Variants in CABIN1 observed in about 807,000 individuals in gnomAD.
The protein encoded by CABIN1 is calcineurin-binding protein cabin-1.
In CABIN1, 133 loss-of-function variants were observed where a neutral mutation model predicts 227.7. That is an observed-to-expected ratio of 0.58 (90% CI 0.51 to 0.67). The LOEUF (loss-of-function observed/expected upper bound fraction) is 0.67, where lower values mean the gene tolerates loss of function less well. Among genes scored for constraint, CABIN1 ranks in the 30% least tolerant of loss-of-function variants. CABIN1 has a pLI of 0.00. For missense variants in CABIN1, 2,408 were observed against 2,852.5 expected (o/e 0.84, Z 3.55); for synonymous variants, 1,086 against 1,155.1 (o/e 0.94, Z 1.21).
intron 11 of CABIN1, among the ~76,000 whole-genome samples, chr22:24,059,691 T>G (rs1164838487): frequency 1.3e-5 from 2 of 152,226 alleles, no homozygotes; most frequent in Non-Finnish European, 2.9e-5. Context: ...AGGTCTGCCC[T>G]TTTGATGTCC....
intron 1 of CABIN1, among the ~76,000 whole-genome samples, chr22:24,020,954 A>G (rs1406837365): frequency 1.3e-5 from 2 of 151,848 alleles, no homozygotes; most frequent in East Asian, 3.9e-4. Context: ...TGTTGTTTAG[A>G]TCAATCATCT....
intron 19 of CABIN1, among the ~76,000 whole-genome samples, chr22:24,078,170 C>A (rs1378984136): frequency 1.3e-5 from 2 of 152,108 alleles, no homozygotes; most frequent in Non-Finnish European, 2.9e-5. Flanking sequence ...TGCTGGGGAC[C>A]CCCACCATTT....
At chr22:24,051,174 C>A (rs2038304635) in intron 8 of CABIN1, among the ~76,000 whole-genome samples, 200 bp downstream of exon 8, 1 of 152,186 alleles carries the variant, frequency 6.6e-6, no homozygotes, top group African/African-American at 2.4e-5. Flanking sequence ...CTCTCAAGTA[C>A]CTCCAGTCTC....
intron 27 of CABIN1, among the ~76,000 whole-genome samples, chr22:24,114,668 C>T (rs2042990233): frequency 6.6e-6 from 1 of 152,202 alleles, no homozygotes; most frequent in South Asian, 2.1e-4. Flanking sequence ...GATAAACTGC[C>T]TCCCTGAGGG....
At chr22:24,105,142 C>T (rs1490046612) in intron 26 of CABIN1, among the ~76,000 whole-genome samples, 2 of 152,206 alleles carry the variant, frequency 1.3e-5, no homozygotes, top group Non-Finnish European at 2.9e-5. Flanking sequence ...TCTTTTCTCA[C>T]ACTGAGTGGG....
rs77920906 is a variant in CABIN1, at chr22:24,098,126, A to G, written c.4051A>G (p.Thr1351Ala). 6 of 1,612,688 alleles carry G rather than the reference A, an allele frequency of 3.7e-6. No individual in the cohort carries two copies. Among genetic ancestry groups the G allele is most frequent in the African/African-American group, 2.7e-5 (2 of 74,802 alleles). Residue 1351 changes from threonine to alanine, a missense_variant, in exon 26 of 37, where the codon ACA becomes GCA. Coordinates refer to ENST00000263119, the MANE Select transcript of CABIN1 (RefSeq NM_012295.4). ...CCCAGGTCTGACATCCCCACCTTAC[A>G]CAGCCACTCCGATTGACCACGATTA... Reference protein sequence around the residue: ...SGPGLTSPPYTATPIDHDYVK... With the variant: ...SGPGLTSPPYAATPIDHDYVK...
intron 19 of CABIN1, among the ~76,000 whole-genome samples, chr22:24,079,374 T>C (rs2040658231): frequency 6.6e-6 from 1 of 152,046 alleles, no homozygotes; most frequent in African/African-American, 2.4e-5. Context: ...CACCAAGAGG[T>C]TGTTTTATGT....
At chr22:24,063,443 C>T (rs141385493) in intron 14 of CABIN1, among the ~76,000 whole-genome samples, 15 of 152,306 alleles carry the variant, frequency 9.8e-5, no homozygotes, top group East Asian at 7.7e-4. Flanking sequence ...TCAAGATTGC[C>T]TTGGCATCTT....
At chr22:24,145,162 C>A (rs1312978170) in intron 29 of CABIN1, among the ~76,000 whole-genome samples, 2 of 152,116 alleles carry the variant, frequency 1.3e-5, no homozygotes, top group Non-Finnish European at 1.5e-5. Flanking sequence ...CACCACTGGA[C>A]CCTGTTTTCC....
At chr22:24,112,584 G>A (rs2042868934) in intron 26 of CABIN1, among the ~76,000 whole-genome samples, 1 of 152,098 alleles carries the variant, frequency 6.6e-6, no homozygotes, top group Admixed American at 6.5e-5. Flanking sequence ...GCCAGCCTAG[G>A]GTTGGGGACA....
chr22:24,124,214 A>G (rs959798465), intron 28 of CABIN1, among the ~76,000 whole-genome samples: 3 of 152,222 alleles, frequency 2.0e-5, no homozygotes, highest in African/African-American at 7.2e-5. Flanking sequence ...TATTGTGTTA[A>G]TGAGGTGAGG....
intron 33 of CABIN1, among the ~76,000 whole-genome samples, chr22:24,169,491 G>C (rs1266634842): frequency 1.3e-5 from 2 of 152,202 alleles, no homozygotes; most frequent in African/African-American, 4.8e-5. Flanking sequence ...TGACCAAGCA[G>C]GCTGTGGGCC....
At chr22:24,117,547 G>C (rs989238071) in intron 27 of CABIN1, among the ~76,000 whole-genome samples, 18 of 85,744 alleles carry the variant, frequency 2.1e-4, no homozygotes, top group African/African-American at 6.3e-4. Flanking sequence ...TGTTTTTTTG[G>C]GGGGGGGGTT....
intron 33 of CABIN1, among the ~76,000 whole-genome samples, chr22:24,171,297 T>C (rs886805541): frequency 1.3e-5 from 2 of 152,128 alleles, no homozygotes; most frequent in African/African-American, 2.4e-5. Context: ...TGAGTGGCCA[T>C]TGGGAAGTCA....
At chr22:24,021,827 G>A (rs1023432552) in intron 1 of CABIN1, among the ~76,000 whole-genome samples, 3 of 152,176 alleles carry the variant, frequency 2.0e-5, no homozygotes, top group Non-Finnish European at 4.4e-5. Context: ...TGGGATTATA[G>A]GCACATGCCA....
chr22:24,108,568 T>G (rs1031817197), intron 26 of CABIN1, among the ~76,000 whole-genome samples: 2 of 152,234 alleles, frequency 1.3e-5, no homozygotes, highest in African/African-American at 4.8e-5. Context: ...TTTCTCATTG[T>G]TCTGTCAGCC....
intron 26 of CABIN1, 123 bp downstream of exon 26, chr22:24,098,315 G>A: frequency 6.4e-7 from 1 of 1,568,934 alleles, no homozygotes; most frequent in Middle Eastern, 2.3e-4. Flanking sequence ...GGGTGACACG[G>A]GCAATGTTGC....
At chr22:24,048,917 C>T (rs1470828256) in intron 6 of CABIN1, among the ~76,000 whole-genome samples, 174 bp from the exon 7 acceptor site, 1 of 152,206 alleles carries the variant, frequency 6.6e-6, no homozygotes, top group Non-Finnish European at 1.5e-5. Flanking sequence ...TTGCAGTGCC[C>T]AGTCTACTCT....
intron 12 of CABIN1, among the ~76,000 whole-genome samples, chr22:24,061,127 C>T (rs1250624968): frequency 1.3e-5 from 2 of 152,166 alleles, no homozygotes; most frequent in Non-Finnish European, 2.9e-5. Flanking sequence ...AGCTAAATAG[C>T]GTGCTTAGAG....
Sources: gnomAD v4.1 joint callset for allele counts (sites outside exome capture counted in the v4.1 genomes callset) on GRCh38, gnomAD v4.1.1 for gene constraint, MANE v1.5 for transcripts, NCBI Gene and HGNC (gene_info 2026-07-23, HGNC 2026-07-21) for gene names.